Variants in KLHL1 observed in about 807,000 individuals in gnomAD.
KLHL1 encodes the protein kelch like family member 1, also known as kelch-like protein 1.
Under a neutral mutation model 77.7 loss-of-function variants are expected in KLHL1, and 47 were observed. That is an observed-to-expected ratio of 0.60 (90% CI 0.48 to 0.77). The LOEUF (loss-of-function observed/expected upper bound fraction) is 0.77. Ranked by LOEUF, KLHL1 falls within the 30% of genes least tolerant of loss-of-function variation. The pLI is 0.00. For missense variants in KLHL1, 925 were observed against 910.8 expected, an observed-to-expected ratio of 1.02 and a Z score of -0.20; for synonymous variants, 360 against 325.2, an observed-to-expected ratio of 1.11 and a Z score of -1.15.
intron 3 of KLHL1, among the ~76,000 whole-genome samples, chr13:69,946,110 C>T (rs890408276): frequency 6.6e-6 from 1 of 152,070 alleles, no homozygotes; most frequent in Non-Finnish European, 1.5e-5. Flanking sequence ...TGATTAACTT[C>T]AAAATTCTTG....
rs78189401 is a variant in KLHL1 at position 69,928,372 on chromosome 13, A to G, written c.1014+11668T>C. On this transcript the variant is annotated intron_variant, in intron 4 of 10. Transcript: ENST00000377844. ...AGGGAGACAGATTTGAGGTTTCCTCATATCTTCTCATATGTCAGCCGTATG... is the reference window on the plus strand; with the variant it reads ...AGGGAGACAGATTTGAGGTTTCCTCGTATCTTCTCATATGTCAGCCGTATG... Among the ~76,000 whole-genome samples, 35 of 152,322 alleles carry G rather than the reference A, an allele frequency of 2.3e-4. No individual in the cohort carries two copies. In the East Asian group the frequency reaches 6.8e-3, roughly 29 times the overall value.
intron 1 of KLHL1, among the ~76,000 whole-genome samples, chr13:70,068,195 G>T (rs1309431637): frequency 6.6e-6 from 1 of 151,886 alleles, no homozygotes; most frequent in Admixed American, 6.6e-5. Flanking sequence ...CAAAAAATTG[G>T]CCGGGCGTGG....
chr13:69,922,433 A>C (rs1314385391), intron 4 of KLHL1, among the ~76,000 whole-genome samples: 1 of 145,018 alleles, frequency 6.9e-6, no homozygotes, highest in Non-Finnish European at 1.5e-5. Context: ...TGATCACATA[A>C]CTGGAAAAGT....
intron 1 of KLHL1, among the ~76,000 whole-genome samples, chr13:70,044,313 C>T (rs906521307): frequency 6.6e-6 from 1 of 152,144 alleles, no homozygotes; most frequent in African/African-American, 2.4e-5. Context: ...GAATTTACAT[C>T]TCTGCTCAAA....
At position 69,794,680 on chromosome 13, in the gene KLHL1, G is replaced by T. The variant is rs556006321; in HGVS notation, c.1639+2058C>A. ...CAGTACGTAGCCTAACAGAGATAAG[G>T]GAGAGTATGAAAACCACTAAGAAGA... On this transcript the variant is annotated intron_variant, in intron 7 of 10. Transcript: ENST00000377844. 2.6e-5 allele frequency among the ~76,000 whole-genome samples: 4 copies of T among 152,052 alleles called. No homozygotes were observed. In the East Asian group the frequency reaches 7.8e-4, roughly 29 times the overall value.
intron 6 of KLHL1, among the ~76,000 whole-genome samples, chr13:69,810,987 T>C (rs1416082771): frequency 6.6e-6 from 1 of 150,428 alleles, no homozygotes; most frequent in Non-Finnish European, 1.5e-5. Context: ...AAGAAACCTA[T>C]CAAATAAAAA....
intron 6 of KLHL1, chr13:69,802,939 A>C (rs533831724): frequency 6.6e-6 from 1 of 152,292 alleles, no homozygotes; most frequent in Admixed American, 6.5e-5. Context: ...AGTATTTATA[A>C]GGCTGGTCTG....
intron 1 of KLHL1, among the ~76,000 whole-genome samples, chr13:69,989,344 T>C (rs116743032): frequency 0.011 from 1,711 of 152,166 alleles, 27 homozygotes; most frequent in African/African-American, 0.039. Flanking sequence ...TATCATGTTG[T>C]TTTGCTTACT....
chr13:69,919,921 G>T (rs141196347), intron 4 of KLHL1, among the ~76,000 whole-genome samples: 3 of 152,232 alleles, frequency 2.0e-5, no homozygotes, highest in African/African-American at 7.2e-5. Context: ...TTATGGCCCA[G>T]CTGTGTCCTT....
intron 7 of KLHL1, among the ~76,000 whole-genome samples, chr13:69,743,824 GAAAA>G (rs10608243): frequency 0.051 from 6,917 of 134,832 alleles, 501 homozygotes; most frequent in African/African-American, 0.16. Context: ...CAAAAAAACA[GAAAA>G]AAAAAAAAAA....
At chr13:70,018,217 TACTC>T (rs1885708094) in intron 1 of KLHL1, among the ~76,000 whole-genome samples, 1 of 152,218 alleles carries the variant, frequency 6.6e-6, no homozygotes, top group Non-Finnish European at 1.5e-5. Context: ...ATACAATCGT[TACTC>T]ACAAGTACCC....
chr13:70,008,846 C>T (rs1030694801), intron 1 of KLHL1, among the ~76,000 whole-genome samples: 2 of 152,064 alleles, frequency 1.3e-5, no homozygotes, highest in Non-Finnish European at 2.9e-5. Context: ...AATTAATTTT[C>T]ATTGATTTAG....
At chr13:70,072,764 C>T (rs1442417192) in intron 1 of KLHL1, among the ~76,000 whole-genome samples, 1 of 151,962 alleles carries the variant, frequency 6.6e-6, no homozygotes, top group East Asian at 1.9e-4. Flanking sequence ...TAAAAGTGCT[C>T]AGCTGGTGCT....
chr13:69,962,231 A>G (rs1360753173), intron 2 of KLHL1, among the ~76,000 whole-genome samples: 2 of 151,940 alleles, frequency 1.3e-5, no homozygotes, highest in Non-Finnish European at 1.5e-5. Context: ...CTTTGTGTAT[A>G]CTATCTACTT....
At chr13:70,068,350 A>AACAAAC (rs1887062427) in intron 1 of KLHL1, among the ~76,000 whole-genome samples, 1 of 137,410 alleles carries the variant, frequency 7.3e-6, no homozygotes, top group South Asian at 2.2e-4. Context: ...CAAAAACAAA[A>AACAAAC]ACAAAAACAA....
chr13:70,074,587 G>A (rs2137422117), intron 1 of KLHL1, among the ~76,000 whole-genome samples: 1 of 152,120 alleles, frequency 6.6e-6, no homozygotes, highest in African/African-American at 2.4e-5. Context: ...TTTAAGAAAT[G>A]TAGGGTTAAA....
chr13:69,945,636 A>G (rs1325665896), intron 3 of KLHL1, among the ~76,000 whole-genome samples: 2 of 152,212 alleles, frequency 1.3e-5, no homozygotes, highest in Non-Finnish European at 2.9e-5. Context: ...ACATCCCACA[A>G]AAGAAAATAT....
intron 4 of KLHL1, among the ~76,000 whole-genome samples, chr13:69,893,043 C>G (rs999718299): frequency 6.6e-6 from 1 of 151,998 alleles, no homozygotes; most frequent in Non-Finnish European, 1.5e-5. Context: ...CTTATATTAA[C>G]CTATTTTTGA....
chr13:69,901,452 C>T (rs909604424), intron 4 of KLHL1, among the ~76,000 whole-genome samples: 3 of 152,018 alleles, frequency 2.0e-5, no homozygotes, highest in African/African-American at 7.3e-5. Flanking sequence ...GAGTTGCAGA[C>T]AATTTGAAAG....
Sources: allele counts gnomAD v4.1 joint callset (sites outside exome capture counted in the v4.1 genomes callset), GRCh38; gene constraint gnomAD v4.1.1; transcripts MANE v1.5; gene names NCBI Gene and HGNC (gene_info 2026-07-23, HGNC 2026-07-21).